Variants in GLTP observed in about 807,000 individuals in gnomAD.
The protein encoded by GLTP is glycolipid transfer protein.
In GLTP, 22 loss-of-function variants were observed where a neutral mutation model predicts 24.0. That is an observed-to-expected ratio of 0.92 (90% CI 0.65 to 1.31). The LOEUF is 1.31. Among genes scored for constraint, GLTP ranks in the 50% most tolerant of loss-of-function variants. GLTP has a pLI of 0.00. For synonymous variants in GLTP, 92 were observed against 115.9 expected (o/e 0.79, Z 1.33); for missense variants, 224 against 276.6 (o/e 0.81, Z 1.35).
At chr12:109,868,101 C>T (rs1343789166) in intron 1 of GLTP, among the ~76,000 whole-genome samples, 1 of 152,228 alleles carries the variant, frequency 6.6e-6, no homozygotes, top group East Asian at 1.9e-4. Context: ...ACCTCCGAGG[C>T]TCAAGTGATC....
In GLTP at chr12:109,880,185, G is replaced by C. The variant is rs1048410356; in HGVS notation, c.103+87C>G. The C allele has an allele frequency of 2.0e-5, 15 of 761,346 alleles. No homozygotes were observed. Among genetic ancestry groups the C allele is most frequent in the African/African-American group, 1.6e-4 (9 of 56,524 alleles). The allele number at this position is 761,346 out of a possible 1,614,324, so 47.2% of individuals were successfully genotyped here. ...GAAACAGTACTTAGGGGTGTCTAGG[G>C]CAGAGATGGTTAGGGGATGCTCGGG... On this transcript the variant is annotated intron_variant, in intron 1 of 4. Coordinates refer to ENST00000318348, the MANE Select transcript of GLTP (RefSeq NM_016433.4). This position sits in a 1 kb window ranked among gnomAD's most constrained non-coding sequence, Gnocchi z 5.1.
At chr12:109,861,433 T>A (rs552417521) in intron 1 of GLTP, among the ~76,000 whole-genome samples, 2 of 152,250 alleles carry the variant, frequency 1.3e-5, no homozygotes, top group East Asian at 1.9e-4. Flanking sequence ...ACTTATTTCA[T>A]ATGCTTCTTT....
intron 1 of GLTP, among the ~76,000 whole-genome samples, chr12:109,876,752 G>GA (rs61245474): frequency 0.18 from 27,955 of 152,024 alleles, 4,789 homozygotes; most frequent in African/African-American, 0.46. Flanking sequence ...TTGTTGGGTA[G>GA]AAAAAGCAGG....
intron 1 of GLTP, among the ~76,000 whole-genome samples, chr12:109,879,920 C>CT (rs1939121264): frequency 1.3e-5 from 2 of 151,366 alleles, no homozygotes; most frequent in East Asian, 3.9e-4. Flanking sequence ...GGGCAGGAGG[C>CT]TTTGGGGGAG....
chr12:109,861,010 G>A (rs1868356141), intron 1 of GLTP, among the ~76,000 whole-genome samples: 3 of 152,186 alleles, frequency 2.0e-5, no homozygotes. Context: ...CACTAAGCCT[G>A]CTACAGAGCC....
chr12:109,868,029 G>A (rs1222240184), intron 1 of GLTP, among the ~76,000 whole-genome samples: 1 of 152,302 alleles, frequency 6.6e-6, no homozygotes, highest in East Asian at 1.9e-4. Context: ...CACCCGCTTT[G>A]GCCTCCCAAA....
intron 1 of GLTP, among the ~76,000 whole-genome samples, chr12:109,862,502 G>A (rs944346527): frequency 2.6e-5 from 4 of 152,200 alleles, no homozygotes; most frequent in African/African-American, 9.6e-5. Flanking sequence ...CAGGTGCCAT[G>A]GATGGGCTAC....
chr12:109,853,292 G>C (rs75342008), intron 4 of GLTP, among the ~76,000 whole-genome samples: 1 of 152,082 alleles, frequency 6.6e-6, no homozygotes, highest in Non-Finnish European at 1.5e-5. Context: ...CCTTAGGGGG[G>C]CGATACTTCC....
chr12:109,854,115 T>C (rs1284743719), intron 4 of GLTP, among the ~76,000 whole-genome samples: 1 of 150,510 alleles, frequency 6.6e-6, no homozygotes, highest in Non-Finnish European at 1.5e-5. Flanking sequence ...CCCAGCACTT[T>C]GGGAGGCCGA....
chr12:109,876,941 G>A (rs927322289), intron 1 of GLTP, among the ~76,000 whole-genome samples: 1 of 152,048 alleles, frequency 6.6e-6, no homozygotes, highest in African/African-American at 2.4e-5. Context: ...CAACTTAGGC[G>A]TCCCAAGCTC....
intron 1 of GLTP, among the ~76,000 whole-genome samples, chr12:109,873,817 AACACACACAC>A (rs112538687): frequency 6.7e-6 from 1 of 149,316 alleles, no homozygotes; most frequent in Admixed American, 6.7e-5. Flanking sequence ...TCTTAAACAA[AACACACACAC>A]ACACACACAC....
In GLTP at chr12:109,857,635, T is replaced by A; in HGVS notation, c.187A>T (p.Asn63Tyr). ...TGCAGGGTCCGGAACTTGGCTGGGT[T>A]GGTGTCGTACACAGCTTTGATTTTC... ...ITKIKAVYDT[N>Y]PAKFRTLQNI... Residue 63 changes from asparagine to tyrosine, a missense_variant, in exon 3 of 5, where the codon AAC becomes TAC. Coordinates refer to ENST00000318348, the MANE Select transcript of GLTP (RefSeq NM_016433.4). The surrounding 1 kb of genome is among the most constrained non-coding windows in gnomAD (Gnocchi z 4.3). The A allele has an allele frequency of 6.2e-7, 1 of 1,614,132 alleles. No individual in the cohort carries two copies. The highest frequency in any genetic ancestry group is 8.5e-7 in the Non-Finnish European group (1 of 1,179,982).
At chr12:109,872,174 C>A (rs1222593880) in intron 1 of GLTP, among the ~76,000 whole-genome samples, 1 of 152,242 alleles carries the variant, frequency 6.6e-6, no homozygotes, top group Non-Finnish European at 1.5e-5. Flanking sequence ...CAGACTTAAG[C>A]AGCCATGCAG....
chr12:109,869,854 C>A (rs946297678), intron 1 of GLTP, among the ~76,000 whole-genome samples: 10 of 151,966 alleles, frequency 6.6e-5, no homozygotes, highest in African/African-American at 2.4e-4. Flanking sequence ...ACTGCAACCT[C>A]CACCTCCCAG....
chr12:109,876,998 G>A (rs188091967), intron 1 of GLTP, among the ~76,000 whole-genome samples: 45 of 152,272 alleles, frequency 3.0e-4, no homozygotes, highest in Non-Finnish European at 6.2e-4. Context: ...AACTACAGGT[G>A]TGCACCTCAA....
chr12:109,859,262 G>A (rs1226860519), intron 1 of GLTP, among the ~76,000 whole-genome samples: 4 of 152,222 alleles, frequency 2.6e-5, no homozygotes, highest in Admixed American at 2.6e-4. Context: ...GCTCACGCCT[G>A]TAATCCCAGC....
intron 1 of GLTP, among the ~76,000 whole-genome samples, chr12:109,859,435 C>G (rs1892843325): frequency 6.6e-6 from 1 of 152,154 alleles, no homozygotes; most frequent in Non-Finnish European, 1.5e-5. Context: ...AGGAAAATTG[C>G]TTGAACCCGG....
intron 1 of GLTP, among the ~76,000 whole-genome samples, chr12:109,870,160 T>A (rs1868673669): frequency 6.6e-6 from 1 of 152,010 alleles, no homozygotes; most frequent in Non-Finnish European, 1.5e-5. Flanking sequence ...ACCTAGTAAG[T>A]GCTCAGTGAA....
intron 1 of GLTP, among the ~76,000 whole-genome samples, chr12:109,864,899 A>G (rs1868477069): frequency 6.6e-6 from 1 of 152,022 alleles, no homozygotes. Context: ...CCCAGGCTGG[A>G]GTGCAGTGGC....
Sources: allele counts gnomAD v4.1 joint callset (sites outside exome capture counted in the v4.1 genomes callset), GRCh38; gene constraint gnomAD v4.1.1; non-coding constraint Gnocchi (gnomAD v3.1); transcripts MANE v1.5; gene names NCBI Gene and HGNC (gene_info 2026-07-23, HGNC 2026-07-21).